Variants in MYT1L observed in about 807,000 individuals in gnomAD.
MYT1L encodes myelin transcription factor 1-like protein.
Under a neutral mutation model 126.7 loss-of-function variants are expected in MYT1L, and 12 were observed. That is an observed-to-expected ratio of 0.09 (90% CI 0.06 to 0.15). The LOEUF (loss-of-function observed/expected upper bound fraction) is 0.15, where lower values mean the gene tolerates loss of function less well. Ranked by LOEUF, MYT1L falls within the 10% of genes least tolerant of loss-of-function variation. The pLI, the probability that MYT1L is intolerant of heterozygous loss-of-function variation, is 1.00. For synonymous variants in MYT1L, 541 were observed against 604.2 expected (o/e 0.90, Z 1.53); for missense variants, 979 against 1,585.2 (o/e 0.62, Z 6.49).
intron 2 of MYT1L, among the ~76,000 whole-genome samples, chr2:2,267,802 C>A (rs940896942): frequency 6.6e-6 from 1 of 151,930 alleles, no homozygotes; most frequent in Non-Finnish European, 1.5e-5. Flanking sequence ...ATGTGAAATT[C>A]GGCTGTGAAG....
At chr2:2,245,996 A>C (rs1572806744) in intron 2 of MYT1L, among the ~76,000 whole-genome samples, 2 of 152,324 alleles carry the variant, frequency 1.3e-5, no homozygotes, top group African/African-American at 4.8e-5. Context: ...TAGCACAGTG[A>C]GACCCATTTT....
rs981302749 is a variant in MYT1L, at chr2:2,282,780, A to G, written c.-421+1624T>C. 6.6e-5 allele frequency among the ~76,000 whole-genome samples: 10 copies of G among 152,226 alleles called. 1 individual carries two copies. The highest frequency in any genetic ancestry group is 2.2e-4 in the African/African-American group (9 of 41,462). ...AACGGAATAAAATAAGGTAACAGAA[A>G]AGTAGTTCTTCAGGCTGGGCACAGT... On this transcript the variant is annotated intron_variant, in intron 2 of 24. Transcript: ENST00000647738.
chr2:2,186,430 C>T (rs1459797430), intron 2 of MYT1L, among the ~76,000 whole-genome samples: 3 of 152,340 alleles, frequency 2.0e-5, no homozygotes, highest in South Asian at 2.1e-4. Context: ...GCCAAGATAG[C>T]GTGCTCACCG....
At chr2:2,058,283 T>A (rs2069884972) in intron 3 of MYT1L, among the ~76,000 whole-genome samples, 7 of 152,272 alleles carry the variant, frequency 4.6e-5, no homozygotes. Flanking sequence ...TTGTTTTAAA[T>A]CGTTGAATTT....
At chr2:2,064,337 A>C (rs1485437189) in intron 3 of MYT1L, among the ~76,000 whole-genome samples, 2 of 152,200 alleles carry the variant, frequency 1.3e-5, no homozygotes, top group East Asian at 3.9e-4. Flanking sequence ...AGCAGGTGAA[A>C]TGGAGTCCAC....
At chr2:2,297,857 C>A (rs1156414647) in intron 1 of MYT1L, among the ~76,000 whole-genome samples, 1 of 152,128 alleles carries the variant, frequency 6.6e-6, no homozygotes, top group Admixed American at 6.6e-5. Flanking sequence ...CTGCTCTCTC[C>A]CTCTCTCCCA....
intron 1 of MYT1L, among the ~76,000 whole-genome samples, chr2:2,287,820 A>G (rs370066768): frequency 6.6e-6 from 1 of 152,248 alleles, no homozygotes; most frequent in Non-Finnish European, 1.5e-5. Context: ...TTGCCTTGCC[A>G]TGGAAATTGT....
At chr2:2,254,245 T>C (rs1182920369) in intron 2 of MYT1L, among the ~76,000 whole-genome samples, 2 of 152,184 alleles carry the variant, frequency 1.3e-5, no homozygotes, top group Non-Finnish European at 2.9e-5. Context: ...TGAGATTCAA[T>C]TAATGCCGTT....
intron 2 of MYT1L, among the ~76,000 whole-genome samples, chr2:2,247,496 C>T (rs1316670888): frequency 6.6e-6 from 1 of 152,090 alleles, no homozygotes; most frequent in Non-Finnish European, 1.5e-5. Context: ...ATTAACAAAG[C>T]AACATTTGAT....
At chr2:2,008,494 TGTCTGTTTACG>T (rs1553411313) in intron 4 of MYT1L, among the ~76,000 whole-genome samples, 1 of 152,234 alleles carries the variant, frequency 6.6e-6, no homozygotes, top group Non-Finnish European at 1.5e-5. Context: ...TTTTGAAAAA[TGTCTGTTTACG>T]GCCTTCGCTC....
At chr2:2,327,661 C>T (rs2149738528) in intron 1 of MYT1L, among the ~76,000 whole-genome samples, 1 of 152,266 alleles carries the variant, frequency 6.6e-6, no homozygotes, top group African/African-American at 2.4e-5. Context: ...TCAAGGTAGA[C>T]TTCCTGGCAA....
In MYT1L at chr2:1,791,278, A is replaced by G. The variant is rs927484532; in HGVS notation, c.*589T>C. 2.1e-6 allele frequency: 1 copy of G among 466,432 alleles called. No individual in the cohort carries two copies. The highest frequency in any genetic ancestry group is 7.0e-5 in the East Asian group (1 of 14,360). 28.9% of individuals were successfully genotyped at this position (466,432 alleles called of 1,614,324 possible). ...CACCATCCTCCTAAAACAAACAAAC[A>G]AAAAAGTCACATAATATTTCCAAGC... is the stretch of plus-strand genomic sequence containing the variant. On this transcript the variant is annotated 3_prime_UTR_variant, in exon 25 of 25. Coordinates refer to ENST00000647738, the MANE Select transcript of MYT1L (RefSeq NM_001303052.2). This position sits in a 1 kb window ranked among gnomAD's most constrained non-coding sequence, Gnocchi z 6.0.
intron 16 of MYT1L, among the ~76,000 whole-genome samples, chr2:1,888,515 T>G (rs2048429328): frequency 1.3e-5 from 2 of 152,240 alleles, no homozygotes; most frequent in African/African-American, 4.8e-5. Context: ...CACTAGTGCT[T>G]CGATGGTGGT....
At chr2:2,261,261 A>G (rs2094959625) in intron 2 of MYT1L, among the ~76,000 whole-genome samples, 1 of 152,224 alleles carries the variant, frequency 6.6e-6, no homozygotes, top group Middle Eastern at 3.2e-3. Context: ...AAGTCAAACC[A>G]GAAAACTACA....
chr2:2,330,705 C>T (rs1003775865), intron 1 of MYT1L, among the ~76,000 whole-genome samples: 1 of 152,144 alleles, frequency 6.6e-6, no homozygotes, highest in Non-Finnish European at 1.5e-5. Flanking sequence ...ACATGCACCC[C>T]GTTTTGTTTT....
intron 1 of MYT1L, among the ~76,000 whole-genome samples, chr2:2,306,495 A>G (rs2095861208): frequency 1.3e-5 from 2 of 152,210 alleles, no homozygotes; most frequent in African/African-American, 4.8e-5. Flanking sequence ...CCAGAAACGC[A>G]GCAAAACAGC....
intron 20 of MYT1L, among the ~76,000 whole-genome samples, chr2:1,839,924 C>T (rs113409191): frequency 9.3e-4 from 142 of 152,274 alleles, no homozygotes; most frequent in African/African-American, 3.2e-3. Flanking sequence ...ATCGGGCTGA[C>T]ACAGGGACAC....
chr2:1,848,369 A>AG lies in MYT1L; in HGVS notation c.2774+3271dup, dbSNP rs2042787417. ...GCGAGGCGTTTGTCCTGGGAGCAGG[A>AG]GGGAGAATTCCAGACACCACAGGTG... On this transcript the variant is annotated intron_variant, in intron 19 of 24. Coordinates refer to ENST00000647738, the MANE Select transcript of MYT1L (RefSeq NM_001303052.2). The surrounding 1 kb of genome is among the most constrained non-coding windows in gnomAD (Gnocchi z 4.8). 6.6e-6 allele frequency among the ~76,000 whole-genome samples: 1 copy of AG among 150,542 alleles called. No homozygotes were observed. Among genetic ancestry groups the AG allele is most frequent in the Non-Finnish European group, 1.5e-5 (1 of 67,778 alleles).
chr2:2,187,874 A>G (rs959373765), intron 2 of MYT1L, among the ~76,000 whole-genome samples: 1 of 152,168 alleles, frequency 6.6e-6, no homozygotes, highest in Non-Finnish European at 1.5e-5. Context: ...GCAATTTAAG[A>G]ACATTCTGAA....
Sources: gnomAD v4.1 joint callset for allele counts (sites outside exome capture counted in the v4.1 genomes callset) on GRCh38, gnomAD v4.1.1 for gene constraint, Gnocchi (gnomAD v3.1) non-coding constraint, MANE v1.5 for transcripts, NCBI Gene and HGNC (gene_info 2026-07-23, HGNC 2026-07-21) for gene names.